RAP1GAP2: variants seen among roughly 807,000 people sequenced by gnomAD.
RAP1GAP2 encodes rap1 GTPase-activating protein 2.
In RAP1GAP2, 27 loss-of-function variants were observed where a neutral mutation model predicts 95.0. The ratio of observed to expected loss-of-function variants is 0.28; its 90% confidence interval spans 0.21 to 0.39. The LOEUF is 0.39. Ranked by LOEUF, RAP1GAP2 falls within the 10% of genes least tolerant of loss-of-function variation. The pLI is 1.00. For missense variants in RAP1GAP2, 771 were observed against 970.0 expected, an observed-to-expected ratio of 0.79 and a Z score of 2.72; for synonymous variants, 373 against 380.9, an observed-to-expected ratio of 0.98 and a Z score of 0.24.
chr17:2,823,559 G>C (rs917892146), intron 2 of RAP1GAP2, among the ~76,000 whole-genome samples: 1 of 152,286 alleles, frequency 6.6e-6, no homozygotes, highest in Admixed American at 6.5e-5. Context: ...GGTCCTGGAC[G>C]CATGGCGTAA....
At position 3,027,207 on chromosome 17, in the gene RAP1GAP2, C is replaced by T. The variant is rs1031247769; in HGVS notation, c.2107+137C>T. ...CAGCTGTGAGGCCCTCCGCTCTGTG[C>T]GCCCGCCTCTTCTGTTCATCAGCCT... On this transcript the variant is annotated intron_variant, in intron 22 of 24. Coordinates refer to ENST00000254695, the MANE Select transcript of RAP1GAP2 (RefSeq NM_015085.5). The surrounding 1 kb of genome is among the most constrained non-coding windows in gnomAD (Gnocchi z 5.2). 13 of 1,113,352 alleles carry T rather than the reference C, an allele frequency of 1.2e-5. No individual in the cohort carries two copies. The highest frequency in any genetic ancestry group is 1.6e-5 in the African/African-American group (1 of 62,604). 69.0% of individuals were successfully genotyped at this position (1,113,352 alleles called of 1,614,324 possible).
At chr17:2,841,068 T>C (rs2071355016) in intron 2 of RAP1GAP2, among the ~76,000 whole-genome samples, 1 of 151,774 alleles carries the variant, frequency 6.6e-6, no homozygotes, top group African/African-American at 2.4e-5. Context: ...GGCAGGAGAA[T>C]CGCTCGAACC....
At chr17:2,956,892 G>T (rs1360846044) in intron 3 of RAP1GAP2, among the ~76,000 whole-genome samples, 6 of 152,168 alleles carry the variant, frequency 3.9e-5, no homozygotes, top group East Asian at 1.9e-4. Flanking sequence ...ACTTTGGGAG[G>T]CCAAGGCGGG....
At chr17:2,950,590 G>A (rs999189064) in intron 3 of RAP1GAP2, among the ~76,000 whole-genome samples, 8 of 148,090 alleles carry the variant, frequency 5.4e-5, no homozygotes, top group African/African-American at 1.5e-4. Flanking sequence ...CTGAAGTCAG[G>A]AACTATTTGC....
chr17:2,841,470 AT>A (rs1278455747), intron 2 of RAP1GAP2, among the ~76,000 whole-genome samples: 7 of 150,452 alleles, frequency 4.7e-5, no homozygotes, highest in Non-Finnish European at 5.9e-5. Context: ...CACGCGGCTA[AT>A]TTTTTTTTGT....
intron 2 of RAP1GAP2, among the ~76,000 whole-genome samples, chr17:2,843,742 T>C (rs887189405): frequency 2.0e-5 from 3 of 152,016 alleles, no homozygotes; most frequent in Non-Finnish European, 4.4e-5. Flanking sequence ...TCATGCTGAG[T>C]GTACTTCTTA....
At chr17:2,770,824 T>C (rs2068376270) in intron 2 of RAP1GAP2, among the ~76,000 whole-genome samples, 2 of 151,958 alleles carry the variant, frequency 1.3e-5, no homozygotes, top group Admixed American at 1.3e-4. Context: ...GTGGATCACT[T>C]GAGGTCAGGA....
chr17:2,890,685 C>CTTTT (rs374485374), intron 2 of RAP1GAP2, among the ~76,000 whole-genome samples: 1 of 136,206 alleles, frequency 7.3e-6, no homozygotes, highest in Admixed American at 7.5e-5. Flanking sequence ...TCAGTGTTTA[C>CTTTT]TTTTTTTTTT....
At chr17:3,016,901 C>A (rs2046788312) in intron 17 of RAP1GAP2, among the ~76,000 whole-genome samples, 1 of 152,176 alleles carries the variant, frequency 6.6e-6, no homozygotes, top group Admixed American at 6.5e-5. Context: ...GCAGTGAAAC[C>A]CTAAAGCCTC....
intron 10 of RAP1GAP2, 84 bp downstream of exon 10, chr17:2,981,332 C>A: frequency 3.1e-6 from 4 of 1,300,240 alleles, no homozygotes; most frequent in Non-Finnish European, 3.2e-6. Flanking sequence ...GAGTTCTCTG[C>A]ATCATAGTGG....
intron 2 of RAP1GAP2, chr17:2,770,488 G>A (rs1426177228): frequency 1.8e-5 from 7 of 398,462 alleles, no homozygotes; most frequent in African/African-American, 4.1e-5. Flanking sequence ...CTTTGGCCTC[G>A]GCCCAGGCCT....
At chr17:2,984,023 C>T (rs986793296) in intron 10 of RAP1GAP2, among the ~76,000 whole-genome samples, 11 of 152,190 alleles carry the variant, frequency 7.2e-5, no homozygotes, top group African/African-American at 2.4e-4. Flanking sequence ...AAGCAGCTCA[C>T]TCAAAGCTAC....
chr17:2,896,043 C>G (rs1280378367), intron 2 of RAP1GAP2, among the ~76,000 whole-genome samples: 2 of 152,138 alleles, frequency 1.3e-5, no homozygotes, highest in East Asian at 3.9e-4. Flanking sequence ...GGCCTCTTCT[C>G]TAGGCCTAGA....
At chr17:2,924,644 G>T (rs1423608606) in intron 3 of RAP1GAP2, among the ~76,000 whole-genome samples, 1 of 152,082 alleles carries the variant, frequency 6.6e-6, no homozygotes, top group African/African-American at 2.4e-5. Flanking sequence ...TGGGGCTGGT[G>T]GAGGAGTTGG....
chr17:2,981,707 CT>C (rs2151539061), intron 10 of RAP1GAP2, among the ~76,000 whole-genome samples: 1 of 152,336 alleles, frequency 6.6e-6, no homozygotes, highest in African/African-American at 2.4e-5. Context: ...CCATATAAGC[CT>C]CTGCTGCCTT....
chr17:2,790,855 G>GC (rs981613475), intron 1 of RAP1GAP2, among the ~76,000 whole-genome samples: 5 of 152,198 alleles, frequency 3.3e-5, no homozygotes, highest in Non-Finnish European at 5.9e-5. Flanking sequence ...AGCCTGAACT[G>GC]CCCCCTCCTC....
intron 3 of RAP1GAP2, among the ~76,000 whole-genome samples, chr17:2,944,063 C>T (rs10153249): frequency 0.51 from 77,497 of 151,124 alleles, 21,849 homozygotes; most frequent in Non-Finnish European, 0.63. Flanking sequence ...GCAGGAGAAT[C>T]GCTTGAACCC....
At chr17:2,818,332 TA>T (rs2070127844) in intron 2 of RAP1GAP2, among the ~76,000 whole-genome samples, 4 of 124,402 alleles carry the variant, frequency 3.2e-5, no homozygotes, top group African/African-American at 1.6e-4. Flanking sequence ...TTTATTTATT[TA>T]TTTATTTATT....
intron 2 of RAP1GAP2, among the ~76,000 whole-genome samples, chr17:2,896,469 A>G (rs1475070686): frequency 1.3e-5 from 2 of 152,016 alleles, no homozygotes; most frequent in Non-Finnish European, 2.9e-5. Flanking sequence ...CAGCTCTCGT[A>G]TTTTCTGACT....
Sources: allele counts gnomAD v4.1 joint callset (sites outside exome capture counted in the v4.1 genomes callset), GRCh38; gene constraint gnomAD v4.1.1; non-coding constraint Gnocchi (gnomAD v3.1); transcripts MANE v1.5; gene names NCBI Gene and HGNC (gene_info 2026-07-23, HGNC 2026-07-21).